Variants in SLC14A2 observed in about 807,000 individuals in gnomAD.
SLC14A2 encodes the protein solute carrier family 14 member 2, also known as urea transporter 2.
In SLC14A2, 91 loss-of-function variants were observed where a neutral mutation model predicts 104.6. The observed-to-expected ratio is 0.87, with a 90% CI of 0.73 to 1.04. The LOEUF (loss-of-function observed/expected upper bound fraction) is 1.04. SLC14A2 is among the 50% of genes least tolerant of loss of function. SLC14A2 has a pLI of 0.00. For synonymous variants in SLC14A2, 476 were observed against 466.4 expected, an observed-to-expected ratio of 1.02 and a Z score of -0.27; for missense variants, 1,189 against 1,156.0, an observed-to-expected ratio of 1.03 and a Z score of -0.41.
rs541699470 is a variant in SLC14A2 at position 45,616,555 on chromosome 18, C to G, written c.-35+973C>G. Among the ~76,000 whole-genome samples the G allele has an allele frequency of 4.6e-5, 7 of 152,146 alleles. 1 individual carries two copies. Among genetic ancestry groups the G allele is most frequent in the Admixed American group, 1.3e-4 (2 of 15,286 alleles). ...ATGTTTTAAGATAATTTACCCATCACCAGTGGCAAGGTGGAGAAAAACTGG... is the reference window on the plus strand; with the variant it reads ...ATGTTTTAAGATAATTTACCCATCAGCAGTGGCAAGGTGGAGAAAAACTGG... On this transcript the variant is annotated intron_variant, in intron 1 of 19. Coordinates refer to ENST00000255226, the MANE Select transcript of SLC14A2 (RefSeq NM_007163.4).
intron 1 of SLC14A2, among the ~76,000 whole-genome samples, chr18:45,455,778 G>A (rs2542988): frequency 0.85 from 129,441 of 152,146 alleles, 55,079 homozygotes; most frequent in South Asian, 0.93. Flanking sequence ...TAGTGTAAGA[G>A]GGCAGCAATC....
At chr18:45,170,266 G>A in the SLC14A2 span, among the ~76,000 whole-genome samples, 3 of 152,112 alleles carry the variant, frequency 2.0e-5, no homozygotes, top group East Asian at 5.8e-4. Context: ...TGAATGGGTA[G>A]GATTTGGAGA....
chr18:45,488,826 T>C (rs1344845117), intron 2 of SLC14A2, among the ~76,000 whole-genome samples: 1 of 152,178 alleles, frequency 6.6e-6, no homozygotes, highest in Non-Finnish European at 1.5e-5. Flanking sequence ...CAAAGACTGA[T>C]TTGTTCCCAC....
At chr18:45,433,192 C>T (rs3909261) in intron 1 of SLC14A2, among the ~76,000 whole-genome samples, 84,938 of 152,006 alleles carry the variant, frequency 0.56, 23,967 homozygotes, top group Admixed American at 0.69. Context: ...AGGATCCTTT[C>T]CCTAACTAAG....
At chr18:45,508,103 C>T (rs1016588699) in intron 2 of SLC14A2, among the ~76,000 whole-genome samples, 3 of 152,268 alleles carry the variant, frequency 2.0e-5, no homozygotes, top group Non-Finnish European at 4.4e-5. Flanking sequence ...ACAGAGGCAT[C>T]TCAGAACTCT....
At chr18:45,463,927 C>T (rs1052416071) in intron 1 of SLC14A2, among the ~76,000 whole-genome samples, 8 of 152,168 alleles carry the variant, frequency 5.3e-5, no homozygotes, top group African/African-American at 1.9e-4. Flanking sequence ...TCAAATCAGT[C>T]CAGGAGGATT....
rs192007577 is a variant in SLC14A2 at position 45,239,633 on chromosome 18, G to C, written c.-125+26442G>C. Among the ~76,000 whole-genome samples the C allele has an allele frequency of 1.1e-4, 17 of 152,302 alleles. No homozygotes were observed. The East Asian group carries it at 2.3e-3, about 21-fold the overall frequency. On this transcript the variant is annotated intron_variant, in intron 1 of 20. Transcript: ENST00000586448. ...ATAGACAAAAACACATGCGGAGGGT[G>C]GAGAGGGCAATGAAGAGTGCCTCAT...
chr18:45,532,752 G>C (rs2043715472), intron 2 of SLC14A2, among the ~76,000 whole-genome samples: 1 of 152,170 alleles, frequency 6.6e-6, no homozygotes, highest in Non-Finnish European at 1.5e-5. Flanking sequence ...GGAGTGGTGA[G>C]AGAGAGCATC....
At chr18:45,336,064 C>A (rs941828799) in intron 1 of SLC14A2, among the ~76,000 whole-genome samples, 1 of 152,068 alleles carries the variant, frequency 6.6e-6, no homozygotes, top group Non-Finnish European at 1.5e-5. Flanking sequence ...GGTTTTTTAA[C>A]GTGGCTGTTT....
chr18:45,567,055 AGTGTGTGT>A (rs3058364), intron 2 of SLC14A2, among the ~76,000 whole-genome samples: 12,453 of 139,856 alleles, frequency 0.089, 667 homozygotes, highest in Non-Finnish European at 0.12. Context: ...ATGTGCACAT[AGTGTGTGT>A]GTGTGTGTGT....
chr18:45,398,829 A>G (rs1040294910), intron 1 of SLC14A2, among the ~76,000 whole-genome samples: 5 of 152,180 alleles, frequency 3.3e-5, no homozygotes, highest in African/African-American at 9.7e-5. Context: ...GGAAGTGTAG[A>G]GAGAGAATAA....
intron 2 of SLC14A2, chr18:45,529,313 A>G (rs532497859): frequency 3.9e-5 from 6 of 152,244 alleles, no homozygotes; most frequent in East Asian, 1.9e-4. Flanking sequence ...CTACTTTCCA[A>G]TTGGTTGTCT....
chr18:45,449,492 G>T (rs180893030), intron 1 of SLC14A2, among the ~76,000 whole-genome samples: 12 of 152,126 alleles, frequency 7.9e-5, no homozygotes, highest in Non-Finnish European at 1.2e-4. Context: ...GGGGAAAGAC[G>T]ATGGAGTCTC....
intron 2 of SLC14A2, among the ~76,000 whole-genome samples, chr18:45,577,281 G>A (rs35196630): frequency 6.6e-6 from 1 of 152,012 alleles, no homozygotes; most frequent in Non-Finnish European, 1.5e-5. Flanking sequence ...CAAAGCTACA[G>A]AGCTTTGGAT....
intron 2 of SLC14A2, among the ~76,000 whole-genome samples, chr18:45,592,811 T>A (rs1469500597): frequency 3.3e-5 from 5 of 152,208 alleles, no homozygotes; most frequent in Admixed American, 3.3e-4. Context: ...TGCTCTCCCA[T>A]GTCTGGGTTA....
intron 2 of SLC14A2, among the ~76,000 whole-genome samples, chr18:45,575,853 T>C (rs2044411661): frequency 6.6e-6 from 1 of 151,850 alleles, no homozygotes; most frequent in Non-Finnish European, 1.5e-5. Context: ...AATTTCCTCC[T>C]GGTGCCCCTA....
At chr18:45,436,172 G>T (rs1295292115) in intron 1 of SLC14A2, among the ~76,000 whole-genome samples, 1 of 152,196 alleles carries the variant, frequency 6.6e-6, no homozygotes, top group Non-Finnish European at 1.5e-5. Context: ...CCAGAATGGT[G>T]AATGAGCAGT....
chr18:45,499,301 C>T (rs2144754661), intron 2 of SLC14A2, among the ~76,000 whole-genome samples: 1 of 152,340 alleles, frequency 6.6e-6, no homozygotes, highest in African/African-American at 2.4e-5. Context: ...TAAGAAGAGC[C>T]TCTGTCACAG....
the SLC14A2 span, among the ~76,000 whole-genome samples, chr18:45,187,983 T>C: frequency 2.6e-5 from 4 of 152,184 alleles, no homozygotes; most frequent in Admixed American, 2.6e-4. Flanking sequence ...AGGACTTTTG[T>C]AGCTACTTAG....
Sources: allele counts gnomAD v4.1 joint callset (sites outside exome capture counted in the v4.1 genomes callset), GRCh38; gene constraint gnomAD v4.1.1; transcripts MANE v1.5; gene names NCBI Gene and HGNC (gene_info 2026-07-23, HGNC 2026-07-21).